The following HEATR1 variants were observed in gnomAD, a reference collection of about 807,000 sequenced individuals.
HEATR1 encodes HEAT repeat containing 1.
Under a neutral mutation model 248.2 loss-of-function variants are expected in HEATR1, and 77 were observed. The observed-to-expected ratio is 0.31, with a 90% CI of 0.26 to 0.37. The LOEUF is 0.37. HEATR1 is among the 10% of genes least tolerant of loss of function. The pLI is 1.00. For synonymous variants in HEATR1, 897 were observed against 923.1 expected (o/e 0.97, Z 0.51); for missense variants, 2,420 against 2,504.9 (o/e 0.97, Z 0.72).
chr1:236,559,870 G>A (rs750645691), intron 33 of HEATR1, 33 bp from the exon 34 acceptor site: 2 of 1,573,608 alleles, frequency 1.3e-6, no homozygotes, highest in Admixed American at 1.8e-5. Flanking sequence ...GCAAACGGCA[G>A]CTGAAGGCAC....
At chr1:236,560,850 C>G (rs1353687035) in intron 33 of HEATR1, among the ~76,000 whole-genome samples, 1 of 152,182 alleles carries the variant, frequency 6.6e-6, no homozygotes, top group African/African-American at 2.4e-5. Context: ...AATACACAGA[C>G]TTGACATGGA....
intron 33 of HEATR1, among the ~76,000 whole-genome samples, chr1:236,560,828 G>A (rs545799793): frequency 6.6e-6 from 1 of 152,336 alleles, no homozygotes; most frequent in East Asian, 1.9e-4. Flanking sequence ...AACAGATACT[G>A]CAACTCAATA....
intron 23 of HEATR1, 21 bp from the exon 24 acceptor site, chr1:236,574,354 G>A: frequency 6.3e-7 from 1 of 1,597,002 alleles, no homozygotes; most frequent in Non-Finnish European, 8.5e-7. Flanking sequence ...TAGAAAAAAG[G>A]CAACTGAGTT....
Position 236,595,460 on chromosome 1 carries a change from A to C in HEATR1, c.1090+80T>G, listed in dbSNP as rs552113308. On this transcript the variant is annotated intron_variant, in intron 8 of 44. Coordinates refer to ENST00000366582, the MANE Select transcript of HEATR1 (RefSeq NM_018072.6). ...GAAAACAGAAATTTTAAATATTTTG[A>C]AGCTGTTAACCAGGATATGGTTACT... 1.8e-6 allele frequency: 2 copies of C among 1,116,260 alleles called. 1 individual carries two copies. The highest frequency in any genetic ancestry group is 3.9e-5 in the South Asian group (2 of 51,854). The allele number at this position is 1,116,260 out of a possible 1,614,324, so 69.1% of individuals were successfully genotyped here.
At chr1:236,590,728 G>A (rs1664009771) in intron 12 of HEATR1, 119 bp downstream of exon 12, 1 of 430,712 alleles carries the variant, frequency 2.3e-6, no homozygotes, top group East Asian at 3.4e-5. Context: ...ACTCTCATGA[G>A]GTTTATTCAA....
chr1:236,584,328 T>C (rs909796551), intron 17 of HEATR1, among the ~76,000 whole-genome samples: 4 of 152,136 alleles, frequency 2.6e-5, no homozygotes, highest in Admixed American at 6.6e-5. Flanking sequence ...TTTCAAAATA[T>C]GAAGATTTTA....
At chr1:236,581,124 A>ATTT in intron 20 of HEATR1, 98 bp downstream of exon 20, 2 of 959,790 alleles carry the variant, frequency 2.1e-6, no homozygotes, top group Non-Finnish European at 3.1e-6. Flanking sequence ...GCCCTCTGCT[A>ATTT]TTTTTTTTTA....
chr1:236,595,260 A>G (rs1412855340), intron 8 of HEATR1, among the ~76,000 whole-genome samples: 1 of 152,154 alleles, frequency 6.6e-6, no homozygotes, highest in Admixed American at 6.5e-5. Flanking sequence ...ATAAATTTTA[A>G]AAGTATTCCA....
chr1:236,603,251 A>C lies in HEATR1; in HGVS notation c.268T>G (p.Leu90Val). 6.2e-7 allele frequency: 1 copy of C among 1,614,142 alleles called. No individual in the cohort carries two copies. The highest frequency in any genetic ancestry group is 8.5e-7 in the Non-Finnish European group (1 of 1,180,004). The part of the protein sequence containing the change: ...SVQTKAVNKQ[L>V]DENISLFLIH... ...AGGAATAATGAAATGTTTTCATCCA[A>C]CTGTTTGTTTACTGCTTTGGTCTGA... Residue 90 changes from leucine (L) to valine (V), a missense_variant, in exon 3 of 45, where the codon TTG becomes GTG. Physicochemically the swap from Leu to Val is conservative, Grantham distance 32. Coordinates refer to ENST00000366582, the MANE Select transcript of HEATR1 (RefSeq NM_018072.6).
intron 3 of HEATR1, among the ~76,000 whole-genome samples, chr1:236,602,467 A>T (rs761703560): frequency 6.6e-6 from 1 of 152,242 alleles, no homozygotes; most frequent in African/African-American, 2.4e-5. Context: ...ATGCTCAAAA[A>T]CACATTAGCT....
intron 20 of HEATR1, 84 bp downstream of exon 20, chr1:236,581,138 T>C (rs1663726906): frequency 1.6e-6 from 2 of 1,220,284 alleles, no homozygotes; most frequent in African/African-American, 3.0e-5. Flanking sequence ...TTTTTTAAGT[T>C]ATAATTTTCC....
At chr1:236,575,947 C>T (rs988913393) in intron 22 of HEATR1, among the ~76,000 whole-genome samples, 4 of 152,046 alleles carry the variant, frequency 2.6e-5, no homozygotes, top group African/African-American at 7.2e-5. Flanking sequence ...CCATGAGACA[C>T]GAGACTGTTA....
Position 236,550,803 on chromosome 1 carries a change from AT to A in HEATR1, c.*98del, listed in dbSNP as rs1356075156. On this transcript the variant is annotated 3_prime_UTR_variant, in exon 45 of 45. Transcript: ENST00000366582. ...ATTTGTAAGTAATCCAAGTAGGTGT[AT>A]TAAGGCACCAAAAGTAACATGGCAC... is the stretch of plus-strand genomic sequence containing the variant. 1 of 867,888 alleles carries A rather than the reference AT, an allele frequency of 1.2e-6. No homozygotes were observed. Among genetic ancestry groups the A allele is most frequent in the African/African-American group, 1.7e-5 (1 of 59,016 alleles). The allele number at this position is 867,888 out of a possible 1,614,324, so 53.8% of individuals were successfully genotyped here.
intron 4 of HEATR1, among the ~76,000 whole-genome samples, chr1:236,599,040 C>A (rs1664249448): frequency 1.3e-5 from 2 of 152,200 alleles, no homozygotes; most frequent in Admixed American, 6.5e-5. Flanking sequence ...CTGAAGTTAT[C>A]CTTATCCTTT....
At chr1:236,604,310 C>A (rs576833105) in intron 1 of HEATR1, 112 bp downstream of exon 1, 5 of 445,424 alleles carry the variant, frequency 1.1e-5, no homozygotes, top group Non-Finnish European at 1.9e-5. Flanking sequence ...TAGCGGCGAC[C>A]GCGCCAAGGC....
chr1:236,597,405 A>G (rs1362064061), intron 5 of HEATR1, among the ~76,000 whole-genome samples: 2 of 151,872 alleles, frequency 1.3e-5, no homozygotes, highest in African/African-American at 4.8e-5. Flanking sequence ...GGCATGCCCC[A>G]CCATGCCCAG....
rs1043144060 is a variant in HEATR1, at chr1:236,575,037, T to C, written c.3085-134A>G. 16 of 763,604 alleles carry C rather than the reference T, an allele frequency of 2.1e-5. No homozygotes were observed. In the Admixed American group the frequency reaches 4.1e-4, roughly 20 times the overall value. The allele number at this position is 763,604 out of a possible 1,614,324, so 47.3% of individuals were successfully genotyped here. ...AAAAAACCCAATGATGGTAACTTCTTAGACATGGAGACAGCTATTAATTCA... is the reference window on the plus strand; with the variant it reads ...AAAAAACCCAATGATGGTAACTTCTCAGACATGGAGACAGCTATTAATTCA... On this transcript the variant is annotated intron_variant, in intron 22 of 44. Coordinates refer to ENST00000366582, the MANE Select transcript of HEATR1 (RefSeq NM_018072.6).
In HEATR1 at chr1:236,583,030, G is replaced by C; in HGVS notation, c.2408C>G (p.Pro803Arg). 6.2e-7 allele frequency: 1 copy of C among 1,613,936 alleles called. No individual in the cohort carries two copies. Among genetic ancestry groups the C allele is most frequent in the Non-Finnish European group, 8.5e-7 (1 of 1,179,946 alleles). ...TATCTTACCTTTAGGAAAAGATTTAGGAGCTTTCAGTGCATAAATAAATTT... is the reference window on the plus strand; with the variant it reads ...TATCTTACCTTTAGGAAAAGATTTACGAGCTTTCAGTGCATAAATAAATTT... ...LKKFIYALKA[P>R]KSFPKGDIWW... Residue 803 changes from proline to arginine, a missense_variant, in exon 18 of 45, where the codon CCT (proline) becomes CGT (arginine). Pro to Arg is a moderately radical substitution (Grantham distance 103, BLOSUM62 -2). Transcript: ENST00000366582.
chr1:236,593,722 T>C (rs1163480866), intron 9 of HEATR1, among the ~76,000 whole-genome samples: 3 of 152,168 alleles, frequency 2.0e-5, no homozygotes, highest in African/African-American at 7.2e-5. Context: ...TTATGGTCCA[T>C]TTACTAAGAG....
Sources: allele counts gnomAD v4.1 joint callset (sites outside exome capture counted in the v4.1 genomes callset), GRCh38; gene constraint gnomAD v4.1.1; transcripts MANE v1.5; gene names NCBI Gene and HGNC (gene_info 2026-07-23, HGNC 2026-07-21).